Variants in ABTB3 observed in about 807,000 individuals in gnomAD.
The protein encoded by ABTB3 is ankyrin repeat- and BTB/POZ domain-containing protein 3.
At chr12:107,329,808 G>A in the ABTB3 span, among the ~76,000 whole-genome samples, 1 of 152,202 alleles carries the variant, frequency 6.6e-6, no homozygotes, top group African/African-American at 2.4e-5. Context: ...GTTTCTATAG[G>A]CACTGTGTTA....
the ABTB3 span, chr12:107,610,010 A>G: frequency 3.0e-6 from 2 of 676,100 alleles, no homozygotes; most frequent in South Asian, 3.6e-5. Context: ...ACAGATTCAC[A>G]GCAGTCATAA....
the ABTB3 span, chr12:107,657,604 G>T: frequency 1.2e-6 from 2 of 1,614,204 alleles, no homozygotes; most frequent in Non-Finnish European, 1.7e-6. Flanking sequence ...AGCAGCTCCT[G>T]TATGACAAAA....
chr12:107,447,582 T>A, the ABTB3 span, among the ~76,000 whole-genome samples: 3 of 152,202 alleles, frequency 2.0e-5, no homozygotes, highest in Admixed American at 6.5e-5. Flanking sequence ...GTGAAACGTG[T>A]TCTTGCCTGC....
the ABTB3 span, among the ~76,000 whole-genome samples, chr12:107,524,250 C>A: frequency 6.6e-6 from 1 of 152,178 alleles, no homozygotes; most frequent in Non-Finnish European, 1.5e-5. Flanking sequence ...CACAAGGAAG[C>A]ACTTTGATAA....
the ABTB3 span, among the ~76,000 whole-genome samples, chr12:107,488,640 T>C: frequency 6.6e-6 from 1 of 150,958 alleles, no homozygotes; most frequent in Admixed American, 6.6e-5. Flanking sequence ...CAATCAAAAC[T>C]TTTTAAAAAT....
At chr12:107,615,300 CAT>C in the ABTB3 span, 1 of 642,858 alleles carries the variant, frequency 1.6e-6, no homozygotes, top group Non-Finnish European at 2.7e-6. Context: ...ATATTCATAT[CAT>C]GTGAATACAA....
the ABTB3 span, among the ~76,000 whole-genome samples, chr12:107,364,379 C>G: frequency 2.6e-5 from 4 of 151,808 alleles, no homozygotes; most frequent in Non-Finnish European, 1.5e-5. Flanking sequence ...ACCTCTGCCT[C>G]CCGGGTTCAA....
chr12:107,363,140 A>C, the ABTB3 span, among the ~76,000 whole-genome samples: 1 of 152,222 alleles, frequency 6.6e-6, no homozygotes, highest in Non-Finnish European at 1.5e-5. Context: ...CCCCGGGTTG[A>C]AATGGCATGC....
At chr12:107,582,566 T>A in the ABTB3 span, among the ~76,000 whole-genome samples, 1 of 152,202 alleles carries the variant, frequency 6.6e-6, no homozygotes, top group Non-Finnish European at 1.5e-5. Context: ...GAGGGAACGG[T>A]CATTCACTGA....
chr12:107,406,264 C>T, the ABTB3 span, among the ~76,000 whole-genome samples: 14 of 152,248 alleles, frequency 9.2e-5, no homozygotes, highest in South Asian at 2.9e-3. Context: ...CTAGCCTGCT[C>T]CTTAAAGATG....
At chr12:107,479,052 T>C in the ABTB3 span, among the ~76,000 whole-genome samples, 4 of 152,162 alleles carry the variant, frequency 2.6e-5, no homozygotes, top group African/African-American at 9.7e-5. Flanking sequence ...GCTTTGAGAA[T>C]GAACAGGTTT....
chr12:107,441,550 A>G, the ABTB3 span, among the ~76,000 whole-genome samples: 3 of 152,042 alleles, frequency 2.0e-5, no homozygotes, highest in African/African-American at 4.8e-5. Flanking sequence ...GGTGTAGCAA[A>G]CCACCGTGGC....
the ABTB3 span, among the ~76,000 whole-genome samples, chr12:107,393,540 G>A: frequency 5.3e-5 from 8 of 152,140 alleles, no homozygotes; most frequent in Admixed American, 1.3e-4. Flanking sequence ...CCATGGGGGT[G>A]ATGTCACTCT....
the ABTB3 span, among the ~76,000 whole-genome samples, chr12:107,346,784 A>G: frequency 6.6e-5 from 10 of 152,274 alleles, no homozygotes; most frequent in South Asian, 1.9e-3. Flanking sequence ...TTTTGTCAAT[A>G]AAAAGTACAA....
the ABTB3 span, among the ~76,000 whole-genome samples, chr12:107,438,148 G>A: frequency 6.6e-6 from 1 of 152,150 alleles, no homozygotes; most frequent in East Asian, 1.9e-4. Flanking sequence ...GAGGCATCGA[G>A]TCACCCCTGT....
At chr12:107,623,089 CT>C in the ABTB3 span, among the ~76,000 whole-genome samples, 38 of 142,232 alleles carry the variant, frequency 2.7e-4, no homozygotes, top group African/African-American at 9.1e-4. Context: ...AAGATGGAGT[CT>C]TGCTCTGTTG....
At chr12:107,330,135 G>A in the ABTB3 span, among the ~76,000 whole-genome samples, 1 of 152,164 alleles carries the variant, frequency 6.6e-6, no homozygotes, top group Admixed American at 6.5e-5. Flanking sequence ...GGGAGAGCAT[G>A]GGGGGAAGGT....
the ABTB3 span, among the ~76,000 whole-genome samples, chr12:107,542,046 A>C: frequency 6.6e-6 from 1 of 152,140 alleles, no homozygotes; most frequent in Admixed American, 6.5e-5. Flanking sequence ...GCGGTGGGTC[A>C]CACCTGTAAT....
At chr12:107,599,896 A>G in the ABTB3 span, among the ~76,000 whole-genome samples, 4 of 152,322 alleles carry the variant, frequency 2.6e-5, no homozygotes, top group Non-Finnish European at 4.4e-5. Flanking sequence ...ATCACATCCT[A>G]TTGGCCTCTT....
Sources: allele counts gnomAD v4.1 joint callset (sites outside exome capture counted in the v4.1 genomes callset), GRCh38; gene constraint gnomAD v4.1.1; transcripts MANE v1.5; gene names NCBI Gene and HGNC (gene_info 2026-07-23, HGNC 2026-07-21).